The following CHRM2 variants were observed in gnomAD, a reference collection of about 807,000 sequenced individuals.
CHRM2 encodes the protein muscarinic acetylcholine receptor M2.
A neutral mutation model predicts 25.0 loss-of-function variants in CHRM2; 8 were observed. The ratio of observed to expected loss-of-function variants is 0.32; its 90% CI spans 0.19 to 0.58. The LOEUF (loss-of-function observed/expected upper bound fraction) is 0.58. CHRM2 is among the 20% of genes least tolerant of loss of function. CHRM2 has a pLI of 0.88. For missense variants in CHRM2, 440 were observed against 567.1 expected (o/e 0.78, Z 2.28); for synonymous variants, 202 against 205.7 (o/e 0.98, Z 0.15).
intron 2 of CHRM2, among the ~76,000 whole-genome samples, chr7:136,879,400 T>G (rs1268084268): frequency 6.6e-6 from 1 of 151,998 alleles, no homozygotes; most frequent in South Asian, 2.1e-4. Context: ...CTAGATGTCC[T>G]AAGGGATAAA....
intron 2 of CHRM2, among the ~76,000 whole-genome samples, chr7:136,952,294 C>G (rs1391753545): frequency 6.6e-6 from 1 of 152,194 alleles, no homozygotes; most frequent in Non-Finnish European, 1.5e-5. Flanking sequence ...CTGTTAAAAG[C>G]AGTATTTTAA....
chr7:136,993,949 A>T (rs1018563617), intron 3 of CHRM2, among the ~76,000 whole-genome samples: 1 of 152,226 alleles, frequency 6.6e-6, no homozygotes, highest in Non-Finnish European at 1.5e-5. Context: ...TGATAAATAA[A>T]TAAGAAAATA....
intron 3 of CHRM2, among the ~76,000 whole-genome samples, chr7:137,008,893 T>C (rs192395207): frequency 1.2e-3 from 187 of 152,150 alleles, no homozygotes; most frequent in African/African-American, 4.4e-3. Flanking sequence ...ATGGGGCAGG[T>C]TTTATGCCAT....
intron 3 of CHRM2, among the ~76,000 whole-genome samples, chr7:137,013,686 C>A (rs1804976142): frequency 6.6e-6 from 1 of 151,958 alleles, no homozygotes; most frequent in Non-Finnish European, 1.5e-5. Flanking sequence ...GATATTATCT[C>A]AAAAATGATG....
At chr7:136,930,679 C>T (rs923980201) in intron 2 of CHRM2, among the ~76,000 whole-genome samples, 1 of 151,720 alleles carries the variant, frequency 6.6e-6, no homozygotes, top group African/African-American at 2.4e-5. Flanking sequence ...GGGTGGATCA[C>T]GAGGTCAGGA....
chr7:136,992,740 T>C (rs1430937973), intron 3 of CHRM2, among the ~76,000 whole-genome samples: 1 of 152,196 alleles, frequency 6.6e-6, no homozygotes, highest in African/African-American at 2.4e-5. Flanking sequence ...TCTCCCTCTG[T>C]CTTTCTCTCT....
At chr7:137,013,995 A>G (rs369634563) in intron 3 of CHRM2, among the ~76,000 whole-genome samples, 12 of 152,158 alleles carry the variant, frequency 7.9e-5, no homozygotes, top group Non-Finnish European at 1.0e-4. Context: ...TTGAAAAACA[A>G]AACATTCAGA....
At chr7:136,925,041 T>C (rs1798664798) in intron 2 of CHRM2, among the ~76,000 whole-genome samples, 1 of 152,182 alleles carries the variant, frequency 6.6e-6, no homozygotes, top group South Asian at 2.1e-4. Flanking sequence ...CTATAGAAGA[T>C]AAAATAATAT....
At chr7:136,968,513 A>G (rs367585623) in intron 2 of CHRM2, among the ~76,000 whole-genome samples, 7 of 151,798 alleles carry the variant, frequency 4.6e-5, no homozygotes, top group South Asian at 4.1e-4. Context: ...TGATCCAGCA[A>G]CCCCACTTCT....
chr7:136,892,158 A>G (rs1796716595), intron 2 of CHRM2, among the ~76,000 whole-genome samples: 1 of 152,222 alleles, frequency 6.6e-6, no homozygotes. Context: ...GATACTTATG[A>G]TGATAATTTC....
chr7:136,873,117 T>C (rs902604997), intron 2 of CHRM2, among the ~76,000 whole-genome samples: 40 of 152,246 alleles, frequency 2.6e-4, no homozygotes, highest in Non-Finnish European at 5.4e-4. Context: ...AAGAGACTCC[T>C]ATGTATCGAA....
intron 2 of CHRM2, among the ~76,000 whole-genome samples, chr7:136,933,833 C>T (rs1799256608): frequency 6.6e-6 from 1 of 152,082 alleles, no homozygotes; most frequent in Non-Finnish European, 1.5e-5. Flanking sequence ...CCATATAGTT[C>T]TATTTATACT....
At chr7:136,922,713 G>A (rs548396374) in intron 2 of CHRM2, among the ~76,000 whole-genome samples, 2 of 152,204 alleles carry the variant, frequency 1.3e-5, no homozygotes, top group South Asian at 4.1e-4. Context: ...ATTATTCTGG[G>A]AAGCATTCCT....
chr7:136,989,447 T>C (rs1368779117), intron 2 of CHRM2, among the ~76,000 whole-genome samples: 1 of 152,156 alleles, frequency 6.6e-6, no homozygotes. Context: ...AAGTAGTTTA[T>C]ATAAAGAGAA....
In CHRM2 at chr7:136,869,973, G is replaced by A. The variant is rs536156060; in HGVS notation, c.-125+555G>A. 1 of 152,554 alleles carries A rather than the reference G, an allele frequency of 6.6e-6. No individual in the cohort carries two copies. Among genetic ancestry groups the A allele is most frequent in the African/African-American group, 2.4e-5 (1 of 41,600 alleles). The allele number at this position is 152,554 out of a possible 1,614,324, so 9.5% of individuals were successfully genotyped here. ...GGAGCAGCCCTTGGGCGCTGGAGAGGTTTCCCATTGCGGTCTCCAGGTCAT... is the reference window on the plus strand; with the variant it reads ...GGAGCAGCCCTTGGGCGCTGGAGAGATTTCCCATTGCGGTCTCCAGGTCAT... On this transcript the variant is annotated intron_variant, in intron 2 of 3. Coordinates refer to ENST00000680005, the MANE Select transcript of CHRM2 (RefSeq NM_001006630.2). The surrounding 1 kb of genome is among the most constrained non-coding windows in gnomAD (Gnocchi z 4.9).
chr7:136,991,089 C>T (rs12707340), intron 2 of CHRM2, among the ~76,000 whole-genome samples: 97,472 of 151,952 alleles, frequency 0.64, 32,460 homozygotes, highest in Non-Finnish European at 0.73. Context: ...GGCTTCTTTG[C>T]TCATTGTCTT....
intron 2 of CHRM2, among the ~76,000 whole-genome samples, chr7:136,879,918 G>A (rs1451406250): frequency 2.6e-5 from 4 of 151,754 alleles, no homozygotes; most frequent in Non-Finnish European, 5.9e-5. Flanking sequence ...GAAATGTTCA[G>A]TTTGAACCGC....
intron 2 of CHRM2, among the ~76,000 whole-genome samples, chr7:136,957,681 T>C (rs189803283): frequency 4.9e-4 from 74 of 152,358 alleles, no homozygotes; most frequent in Admixed American, 3.6e-3. Context: ...TAAACATATC[T>C]ATTGTGTATT....
intron 3 of CHRM2, among the ~76,000 whole-genome samples, chr7:136,992,590 GT>G (rs1803303122): frequency 6.6e-6 from 1 of 152,102 alleles, no homozygotes; most frequent in Admixed American, 6.6e-5. Context: ...AATTTCCTGA[GT>G]TTTTTAAATT....
Sources: allele counts gnomAD v4.1 joint callset (sites outside exome capture counted in the v4.1 genomes callset), GRCh38; gene constraint gnomAD v4.1.1; non-coding constraint Gnocchi (gnomAD v3.1); transcripts MANE v1.5; gene names NCBI Gene and HGNC (gene_info 2026-07-23, HGNC 2026-07-21).